The following LRBA variants were observed in gnomAD, a reference collection of about 807,000 sequenced individuals.
The protein encoded by LRBA is lipopolysaccharide-responsive and beige-like anchor protein.
Under a neutral mutation model 330.0 loss-of-function variants are expected in LRBA, and 176 were observed. The observed-to-expected ratio is 0.53, with a 90% CI of 0.47 to 0.60. The LOEUF (loss-of-function observed/expected upper bound fraction) is 0.60, where lower values mean the gene tolerates loss of function less well. LRBA is among the 20% of genes least tolerant of loss of function. LRBA has a pLI of 0.00. For synonymous variants in LRBA, 1,230 were observed against 1,193.0 expected (o/e 1.03, Z -0.64); for missense variants, 3,259 against 3,444.8 (o/e 0.95, Z 1.35).
intron 2 of LRBA, among the ~76,000 whole-genome samples, chr4:150,941,554 T>A (rs958650080): frequency 6.6e-6 from 1 of 152,194 alleles, no homozygotes; most frequent in African/African-American, 2.4e-5. Flanking sequence ...CAATCCAGAC[T>A]TTTTTTGGAA....
intron 2 of LRBA, among the ~76,000 whole-genome samples, chr4:150,978,636 C>T (rs974750277): frequency 6.6e-6 from 1 of 151,968 alleles, no homozygotes; most frequent in Admixed American, 6.6e-5. Context: ...TTGAAGATAA[C>T]ACAAAGAAGG....
intron 56 of LRBA, 76 bp from the exon 57 acceptor site, chr4:150,265,888 A>G (rs1478241326): frequency 5.8e-6 from 5 of 864,188 alleles, no homozygotes; most frequent in East Asian, 2.4e-5. Flanking sequence ...GCTCTCCCCA[A>G]ATCCACAAGG....
intron 47 of LRBA, among the ~76,000 whole-genome samples, chr4:150,383,697 A>G (rs1042860216): frequency 3.3e-5 from 5 of 152,210 alleles, no homozygotes; most frequent in African/African-American, 7.2e-5. Flanking sequence ...TAAGATGTAT[A>G]TAAAAGACCA....
In LRBA at chr4:150,905,943, T is replaced by C. The variant is rs755288658; in HGVS notation, c.1650A>G (p.Ala550=). Residue 550 remains alanine (A), a synonymous_variant, in exon 13 of 57, where the codon GCA becomes GCG. Coordinates refer to ENST00000651943, the MANE Select transcript of LRBA (RefSeq NM_001364905.1). The part of the protein sequence containing the change: ...VSRAVLELCL[A]FSKYLSNLQN... ...GCAGATTACTCAGATATTTTGAAAA[T>C]GCAAGGCAAAGTTCAAGTACTGCTC... The C allele has an allele frequency of 5.0e-6, 8 of 1,613,776 alleles. No homozygotes were observed. Among genetic ancestry groups the C allele is most frequent in the Non-Finnish European group, 6.8e-6 (8 of 1,179,792 alleles).
intron 34 of LRBA, among the ~76,000 whole-genome samples, chr4:150,785,303 T>G (rs1428674599): frequency 1.3e-5 from 2 of 152,286 alleles, no homozygotes; most frequent in Admixed American, 1.3e-4. Flanking sequence ...AAAAGACATC[T>G]TAAAGGCCAA....
chr4:150,727,441 T>C (rs1729854141), intron 36 of LRBA, among the ~76,000 whole-genome samples: 2 of 152,130 alleles, frequency 1.3e-5, no homozygotes, highest in South Asian at 2.1e-4. Flanking sequence ...ACATGGGTCA[T>C]TCTCAGGAAC....
intron 36 of LRBA, among the ~76,000 whole-genome samples, chr4:150,724,206 G>A (rs1281282549): frequency 6.6e-6 from 1 of 152,184 alleles, no homozygotes; most frequent in Non-Finnish European, 1.5e-5. Context: ...TGCAGCCCTA[G>A]TGGTGGTGGC....
intron 37 of LRBA, among the ~76,000 whole-genome samples, chr4:150,657,282 C>A (rs977404681): frequency 6.6e-6 from 1 of 152,030 alleles, no homozygotes; most frequent in Non-Finnish European, 1.5e-5. Context: ...TATAATTTTT[C>A]TTTATAATTA....
At chr4:150,552,425 T>C (rs1000375252) in intron 40 of LRBA, among the ~76,000 whole-genome samples, 1 of 151,922 alleles carries the variant, frequency 6.6e-6, no homozygotes, top group Admixed American at 6.6e-5. Flanking sequence ...ATCAGGGAAA[T>C]GCAAATCAAA....
intron 37 of LRBA, among the ~76,000 whole-genome samples, chr4:150,635,514 C>T (rs773982626): frequency 5.9e-5 from 9 of 152,280 alleles, no homozygotes; most frequent in Middle Eastern, 6.8e-3. Context: ...CTTCTTCCTA[C>T]CAGGGTTTGT....
chr4:150,576,330 G>C (rs1462031132), intron 40 of LRBA, among the ~76,000 whole-genome samples: 1 of 151,786 alleles, frequency 6.6e-6, no homozygotes, highest in East Asian at 1.9e-4. Context: ...TTTAAAATGA[G>C]AAAAAGATAC....
chr4:150,373,405 T>C (rs1740768244), intron 47 of LRBA, among the ~76,000 whole-genome samples: 1 of 152,128 alleles, frequency 6.6e-6, no homozygotes, highest in African/African-American at 2.4e-5. Flanking sequence ...CTGAACCACA[T>C]GGTGGTTATT....
At chr4:150,874,011 T>C (rs1239472429) in intron 17 of LRBA, among the ~76,000 whole-genome samples, 3 of 152,200 alleles carry the variant, frequency 2.0e-5, no homozygotes, top group Non-Finnish European at 2.9e-5. Flanking sequence ...GTTGTATGTT[T>C]CTTTTCTTCA....
intron 33 of LRBA, among the ~76,000 whole-genome samples, chr4:150,805,627 AG>A (rs1742675290): frequency 2.2e-5 from 3 of 137,218 alleles, no homozygotes; most frequent in African/African-American, 5.8e-5. Context: ...AAAGGAAAGG[AG>A]AAGGAGAAGG....
chr4:150,979,800 C>G (rs1027745577), intron 2 of LRBA, among the ~76,000 whole-genome samples: 1 of 152,044 alleles, frequency 6.6e-6, no homozygotes, highest in African/African-American at 2.4e-5. Context: ...CTAAACAGAC[C>G]AATAACAAGT....
intron 40 of LRBA, chr4:150,579,675 G>T (rs1384123137): frequency 4.4e-6 from 2 of 456,640 alleles, no homozygotes; most frequent in South Asian, 1.5e-5. Flanking sequence ...GAGGTGCAGC[G>T]GAGTGTCCGG....
chr4:150,558,129 C>T (rs897658881), intron 40 of LRBA, among the ~76,000 whole-genome samples: 2 of 152,080 alleles, frequency 1.3e-5, no homozygotes, highest in African/African-American at 2.4e-5. Context: ...CAACTCCTAA[C>T]CTCAAATGAT....
At position 150,264,867 on chromosome 4, in the gene LRBA, C is replaced by T. The variant is rs958744476; in HGVS notation, c.*855G>A. ...AAAACAGGTGTTGCTGAATACAGCA[C>T]CCGGTAGCCTCTATTTGCAAACCCG... On this transcript the variant is annotated 3_prime_UTR_variant, in exon 57 of 57. Transcript: ENST00000651943. 2.0e-5 allele frequency: 3 copies of T among 152,064 alleles called. No individual in the cohort carries two copies. The highest frequency in any genetic ancestry group is 7.3e-5 in the African/African-American group (3 of 41,246). The allele number at this position is 152,064 out of a possible 1,614,324, so 9.4% of individuals were successfully genotyped here.
chr4:150,341,795 T>G (rs1169257447), intron 48 of LRBA, among the ~76,000 whole-genome samples: 1 of 151,478 alleles, frequency 6.6e-6, no homozygotes, highest in Non-Finnish European at 1.5e-5. Flanking sequence ...CCTACTAAAC[T>G]TCATCAATGA....
Sources: allele counts gnomAD v4.1 joint callset (sites outside exome capture counted in the v4.1 genomes callset), GRCh38; gene constraint gnomAD v4.1.1; transcripts MANE v1.5; gene names NCBI Gene and HGNC (gene_info 2026-07-23, HGNC 2026-07-21).